Variants in MCM2 observed in about 807,000 individuals in gnomAD.
MCM2 encodes the protein DNA replication licensing factor MCM2.
A neutral mutation model predicts 86.4 loss-of-function variants in MCM2; 49 were observed. The observed-to-expected ratio is 0.57, with a 90% CI of 0.45 to 0.72. The LOEUF (loss-of-function observed/expected upper bound fraction) is 0.72, where lower values mean the gene tolerates loss of function less well. Ranked by LOEUF, MCM2 falls within the 30% of genes least tolerant of loss-of-function variation. The pLI is 0.00. For synonymous variants in MCM2, 475 were observed against 484.6 expected (o/e 0.98, Z 0.26); for missense variants, 1,038 against 1,259.9 (o/e 0.82, Z 2.67).
At chr3:127,611,761 G>A (rs2074399359) in intron 8 of MCM2, among the ~76,000 whole-genome samples, 1 of 120,370 alleles carries the variant, frequency 8.3e-6, no homozygotes, top group Admixed American at 1.0e-4. Context: ...TGCAGTGGCG[G>A]GATCTCGGCT....
intron 8 of MCM2, among the ~76,000 whole-genome samples, chr3:127,612,255 G>T (rs1477278323): frequency 6.6e-6 from 1 of 152,226 alleles, no homozygotes; most frequent in African/African-American, 2.4e-5. Context: ...CCTGGACACT[G>T]ATCTGGTAAA....
Position 127,606,196 on chromosome 3 carries a change from C to T in MCM2, c.752C>T (p.Ala251Val). Residue 251 changes from alanine (A) to valine (V), a missense_variant, in exon 5 of 16, where the codon GCA becomes GTA. Coordinates refer to ENST00000265056, the MANE Select transcript of MCM2 (RefSeq NM_004526.4). The surrounding 1 kb of genome is among the most constrained non-coding windows in gnomAD (Gnocchi z 4.2). ...GTGCTGGCCTACTTCCTGCCTGAGG[C>T]ACCGGCGGAGCTGCTGCAGATCTTT... ...EHVLAYFLPE[A>V]PAELLQIFDE... is the part of the protein sequence containing the mutation. 5.0e-6 allele frequency: 8 copies of T among 1,614,254 alleles called. No individual in the cohort carries two copies. The highest frequency in any genetic ancestry group is 6.8e-6 in the Non-Finnish European group (8 of 1,180,050).
Position 127,604,621 on chromosome 3 carries a change from A to T in MCM2, c.250A>T (p.Ile84Phe), listed in dbSNP as rs979652606. The change falls in exon 3 of 16, where the codon ATC (isoleucine) becomes TTC (phenylalanine). Residue 84 changes from isoleucine to phenylalanine, a missense_variant. Ile to Phe is a conservative substitution (Grantham distance 21). This residue lies in a region of MCM2 where 300 missense variants were observed against 307.4 expected (regional missense o/e 0.98). Coordinates refer to ENST00000265056, the MANE Select transcript of MCM2 (RefSeq NM_004526.4). Reference sequence around the variant, plus strand: ...GTGCTCCCTCAGGGACTACCGCGCCATCCCAGAGCTGGACGCCTATGAGGC... The same window carrying T: ...GTGCTCCCTCAGGGACTACCGCGCCTTCCCAGAGCTGGACGCCTATGAGGC... ...GDGMERDYRA[I>F]PELDAYEAEG... The T allele has an allele frequency of 6.2e-7, 1 of 1,613,194 alleles. No homozygotes were observed. The highest frequency in any genetic ancestry group is 8.5e-7 in the Non-Finnish European group (1 of 1,179,942).
intron 2 of MCM2, among the ~76,000 whole-genome samples, chr3:127,601,650 G>A (rs2074307351): frequency 1.3e-5 from 2 of 152,206 alleles, no homozygotes; most frequent in African/African-American, 4.8e-5. Context: ...ACAGGTGTGA[G>A]CCACCACACC....
intron 8 of MCM2, among the ~76,000 whole-genome samples, chr3:127,615,488 T>C (rs2074426119): frequency 6.6e-6 from 1 of 152,204 alleles, no homozygotes; most frequent in Non-Finnish European, 1.5e-5. Flanking sequence ...GTGAGTTGGA[T>C]GTTGCCATCT....
chr3:127,613,089 C>T (rs552905800), intron 8 of MCM2, among the ~76,000 whole-genome samples: 8 of 152,304 alleles, frequency 5.3e-5, no homozygotes, highest in Non-Finnish European at 8.8e-5. Flanking sequence ...CACACATTTG[C>T]GCTGCTTGCC....
At chr3:127,605,203 A>G (rs945109348) in intron 4 of MCM2, 47 bp downstream of exon 4, 7 of 1,590,210 alleles carry the variant, frequency 4.4e-6, no homozygotes, top group Non-Finnish European at 3.4e-6. Context: ...GCGCCTCCCT[A>G]AATCCTCCCC....
chr3:127,600,725 G>A (rs563682605), intron 2 of MCM2, among the ~76,000 whole-genome samples: 36 of 151,926 alleles, frequency 2.4e-4, no homozygotes, highest in Admixed American at 2.0e-3. Flanking sequence ...TGTTCAGGCC[G>A]GATGCCCCTC....
At position 127,618,635 on chromosome 3, in the gene MCM2, G is replaced by A. The variant is rs920672397; in HGVS notation, c.2014-392G>A. ...ATTGTGCTCCTTGCTCCTGGCAGAC[G>A]CTCTCCCACACTGTCACATGACTTG... On this transcript the variant is annotated intron_variant, in intron 12 of 15. Coordinates refer to ENST00000265056, the MANE Select transcript of MCM2 (RefSeq NM_004526.4). The surrounding 1 kb of genome is among the most constrained non-coding windows in gnomAD (Gnocchi z 4.0). 8.6e-5 allele frequency among the ~76,000 whole-genome samples: 13 copies of A among 152,026 alleles called. No individual in the cohort carries two copies. The highest frequency in any genetic ancestry group is 2.4e-4 in the African/African-American group (10 of 41,364).
chr3:127,605,526 C>T (rs1255540115), intron 4 of MCM2, among the ~76,000 whole-genome samples: 4 of 150,562 alleles, frequency 2.7e-5, no homozygotes, highest in Admixed American at 1.3e-4. Flanking sequence ...CTGCAACCTC[C>T]GCCTCCTGGG....
chr3:127,615,117 G>T (rs1169860388), intron 8 of MCM2, among the ~76,000 whole-genome samples: 1 of 152,158 alleles, frequency 6.6e-6, no homozygotes, highest in Non-Finnish European at 1.5e-5. Context: ...CCCAGGCGAG[G>T]GCCAGTGCTT....
rs1341331598 is a variant in MCM2, at chr3:127,621,122, T to A, written c.2498T>A (p.Leu833His). 2 of 1,614,112 alleles carry A rather than the reference T, an allele frequency of 1.2e-6. No individual in the cohort carries two copies. Among genetic ancestry groups the A allele is most frequent in the Admixed American group, 3.3e-5 (2 of 60,006 alleles). ...CGGCGTGACAACAATGAGCTGTTGC[T>A]CTTCATACTGAAGCAGTTAGTGGCA... ...SFRRDNNELL[L>H]FILKQLVAEQ... is the part of the protein sequence containing the mutation. Residue 833 changes from leucine to histidine, a missense_variant, in exon 15 of 16, where the codon CTC becomes CAC. Physicochemically the swap from Leu to His is moderately conservative, Grantham distance 99 (BLOSUM62 -3). Coordinates refer to ENST00000265056, the MANE Select transcript of MCM2 (RefSeq NM_004526.4).
intron 9 of MCM2, among the ~76,000 whole-genome samples, chr3:127,616,443 C>T (rs551681819): frequency 1.3e-5 from 2 of 152,310 alleles, no homozygotes; most frequent in South Asian, 4.1e-4. Context: ...ACAAGCGCAG[C>T]GTCCCCTGTG....
At position 127,617,268 on chromosome 3, in the gene MCM2, T is replaced by C; in HGVS notation, c.1774-11T>C. On this transcript the variant is annotated splice_polypyrimidine_tract_variant and intron_variant, in intron 10 of 15. Coordinates refer to ENST00000265056, the MANE Select transcript of MCM2 (RefSeq NM_004526.4). The surrounding 1 kb of genome is among the most constrained non-coding windows in gnomAD (Gnocchi z 4.1). The stretch of plus-strand genomic sequence containing the variant: ...GAACCATGCTAAGGGTGGGCCATTT[T>C]AATCTTGCAGATGAATGACCAGGAC... 1 of 1,614,062 alleles carries C rather than the reference T, an allele frequency of 6.2e-7. No homozygotes were observed. Among genetic ancestry groups the C allele is most frequent in the African/African-American group, 1.3e-5 (1 of 75,032 alleles).
chr3:127,605,180 C>T, intron 4 of MCM2, 24 bp downstream of exon 4: 1 of 1,606,020 alleles, frequency 6.2e-7, no homozygotes, highest in Non-Finnish European at 8.5e-7. Flanking sequence ...ACGCCCCCGC[C>T]TCAGCCCCTG....
intron 8 of MCM2, among the ~76,000 whole-genome samples, chr3:127,611,737 C>T (rs1213686650): frequency 1.6e-5 from 2 of 128,000 alleles, no homozygotes; most frequent in African/African-American, 3.0e-5. Flanking sequence ...CTCGCTCTGT[C>T]GCCCAGGCTG....
intron 2 of MCM2, among the ~76,000 whole-genome samples, chr3:127,601,274 T>C (rs1483754398): frequency 6.6e-6 from 1 of 152,268 alleles, no homozygotes; most frequent in African/African-American, 2.4e-5. Context: ...CCACATCTAT[T>C]CATCAGTTGA....
chr3:127,621,069 G>A lies in MCM2; in HGVS notation c.2449-4G>A. ...GGTGTTTGACTGAGGCTTTTTTCCT[G>A]CAGACTTTTGCCCGCTACCTTTCAT... On this transcript the variant is annotated splice_polypyrimidine_tract_variant and splice_region_variant and intron_variant, in intron 14 of 15. Transcript: ENST00000265056. 6.2e-7 allele frequency: 1 copy of A among 1,613,944 alleles called. No individual in the cohort carries two copies. The highest frequency in any genetic ancestry group is 8.5e-7 in the Non-Finnish European group (1 of 1,179,906).
chr3:127,609,165 G>A, intron 8 of MCM2, 142 bp downstream of exon 8: 1 of 850,318 alleles, frequency 1.2e-6, no homozygotes, highest in Non-Finnish European at 1.8e-6. Flanking sequence ...CTGGAAGGGA[G>A]GCCCTGTGCT....
Sources: gnomAD v4.1 joint callset for allele counts (sites outside exome capture counted in the v4.1 genomes callset) on GRCh38, gnomAD v4.1.1 for gene constraint, gnomAD v4.1.1 regional missense constraint, Gnocchi (gnomAD v3.1) non-coding constraint, MANE v1.5 for transcripts, NCBI Gene and HGNC (gene_info 2026-07-23, HGNC 2026-07-21) for gene names.